Variants in P2RY13 observed in about 807,000 individuals in gnomAD.
P2RY13 encodes purinergic receptor P2Y13.
For missense variants in P2RY13, 412 were observed against 418.4 expected (o/e 0.98, Z 0.13); for synonymous variants, 150 against 155.1 (o/e 0.97, Z 0.24).
chr3:151,329,458 T>C lies in P2RY13; in HGVS notation c.48+23A>G, dbSNP rs1750102219. On this transcript the variant is annotated intron_variant, in intron 1 of 1. Transcript: ENST00000325602. ...TCTTTTATATAAGCAAGCACACTCA[T>C]AATAACAAAAATTGAAATTCACCTT... The C allele has an allele frequency of 2.7e-6, 4 of 1,493,670 alleles. No individual in the cohort carries two copies. In the South Asian group the frequency reaches 3.7e-5, roughly 14 times the overall value. 92.5% of individuals were successfully genotyped at this position (1,493,670 alleles called of 1,614,324 possible). A position where few individuals can be genotyped will look rare whatever the true frequency, so the allele number is the denominator to read the frequency against.
rs1577345897 is a variant in P2RY13 at position 151,329,488 on chromosome 3, A to G, written c.41T>C (p.Leu14Pro). The stretch of plus-strand genomic sequence containing the variant: ...ACAAAAATTGAAATTCACCTTTGGG[A>G]GGATACTCAGTTCTCTCTGTCTTCT... ...AIRRQRELSI[L>P]PKVTLEAMNT... The change falls in exon 1 of 2, where the codon CTC (leucine) becomes CCC (proline). Residue 14 changes from leucine to proline, a missense_variant. Physicochemically the swap from Leu to Pro is moderately conservative, Grantham distance 98. Coordinates refer to ENST00000325602, the MANE Select transcript of P2RY13 (RefSeq NM_176894.3). 6.5e-7 allele frequency: 1 copy of G among 1,544,656 alleles called. No homozygotes were observed. Among genetic ancestry groups the G allele is most frequent in the South Asian group, 1.2e-5 (1 of 83,706 alleles).
At chr3:151,329,210 T>C (rs1168943605) in intron 1 of P2RY13, among the ~76,000 whole-genome samples, 1 of 152,192 alleles carries the variant, frequency 6.6e-6, no homozygotes, top group African/African-American at 2.4e-5. Context: ...TTTGGTACTT[T>C]TAACAGTACC....
rs1749630122 is a variant in P2RY13 at position 151,326,624 on chromosome 3, T to TG, written c.*1366dup. 6.6e-6 allele frequency: 1 copy of TG among 152,190 alleles called. No homozygotes were observed. Among genetic ancestry groups the TG allele is most frequent in the African/African-American group, 2.4e-5 (1 of 41,440 alleles). The allele number at this position is 152,190 out of a possible 1,614,324, so 9.4% of individuals were successfully genotyped here. A position where few individuals can be genotyped will look rare whatever the true frequency, so the allele number is the denominator to read the frequency against. ...TGCCAAAACAGAGTATGGCATTTTC[T>TG]GAAAGTTAGAAATTTATACAAGAGT... On this transcript the variant is annotated 3_prime_UTR_variant, in exon 2 of 2. Coordinates refer to ENST00000325602, the MANE Select transcript of P2RY13 (RefSeq NM_176894.3).
rs757762416 is a variant in P2RY13, at chr3:151,328,522, A to G, written c.534T>C (p.Asn178=). The change falls in exon 2 of 2, where the codon AAT becomes AAC. Residue 178 remains asparagine (N), a synonymous_variant. Transcript: ENST00000325602. ...WFFLFFISLP[N]TILSNKEATP... is the part of the protein sequence containing the mutation. ...TTGCTTCCTTGTTGCTCAAGATCGT[A>G]TTTGGCAGGGAGATGAAGAACAAAA... 2 of 1,613,958 alleles carry G rather than the reference A, an allele frequency of 1.2e-6. No individual in the cohort carries two copies. The highest frequency in any genetic ancestry group is 2.2e-5 in the East Asian group (1 of 44,874).
In P2RY13 at chr3:151,326,450, G is replaced by C. The variant is rs900926960; in HGVS notation, c.*1541C>G. The C allele has an allele frequency of 6.6e-6, 1 of 152,614 alleles. No individual in the cohort carries two copies. Among genetic ancestry groups the C allele is most frequent in the Admixed American group, 6.5e-5 (1 of 15,268 alleles). The allele number at this position is 152,614 out of a possible 1,614,324, so 9.5% of individuals were successfully genotyped here. Reference sequence around the variant, plus strand: ...GTGATAAGTTTAATAATATAGGTGTGACAGCATACAGAGGAGGGGGTGATT... The same window carrying C: ...GTGATAAGTTTAATAATATAGGTGTCACAGCATACAGAGGAGGGGGTGATT... On this transcript the variant is annotated 3_prime_UTR_variant, in exon 2 of 2. Transcript: ENST00000325602.
Position 151,327,330 on chromosome 3 carries a change from T to C in P2RY13, c.*661A>G, listed in dbSNP as rs554037398. 3 of 152,312 alleles carry C rather than the reference T, an allele frequency of 2.0e-5. No individual in the cohort carries two copies. The East Asian group carries it at 5.8e-4, about 29-fold the overall frequency. 9.4% of individuals were successfully genotyped at this position (152,312 alleles called of 1,614,324 possible). A position where few individuals can be genotyped will look rare whatever the true frequency, so the allele number is the denominator to read the frequency against. On this transcript the variant is annotated 3_prime_UTR_variant, in exon 2 of 2. Coordinates refer to ENST00000325602, the MANE Select transcript of P2RY13 (RefSeq NM_176894.3). ...TTCCAAAGAATAGTTAACACAGCATTCTCACACTTGAATTGTACACACTTA... is the reference window on the plus strand; with the variant it reads ...TTCCAAAGAATAGTTAACACAGCATCCTCACACTTGAATTGTACACACTTA...
chr3:151,328,272 C>T lies in P2RY13; in HGVS notation c.784G>A (p.Ala262Thr), dbSNP rs1170956423. 6 of 1,613,922 alleles carry T rather than the reference C, an allele frequency of 3.7e-6. No homozygotes were observed. Among genetic ancestry groups the T allele is most frequent in the Non-Finnish European group, 4.2e-6 (5 of 1,179,924 alleles). The change falls in exon 2 of 2, where the codon GCT (alanine) becomes ACT (threonine). Residue 262 changes from alanine (A) to threonine (T), a missense_variant. Coordinates refer to ENST00000325602, the MANE Select transcript of P2RY13 (RefSeq NM_176894.3). ...KLEGKVFVVV[A>T]VFFVCFAPFH... ...GGAGCAAAACACACAAAGAAGACAG[C>T]CACGACAACAAATACTTTGCCTTCC...
rs759831858 is a variant in P2RY13 at position 151,328,848 on chromosome 3, C to T, written c.208G>A (p.Val70Ile). 2.5e-6 allele frequency: 4 copies of T among 1,613,834 alleles called. No individual in the cohort carries two copies. Among genetic ancestry groups the T allele is most frequent in the African/African-American group, 2.7e-5 (2 of 74,886 alleles). The change falls in exon 2 of 2, where the codon GTT (valine) becomes ATT (isoleucine). Residue 70 changes from valine (V) to isoleucine (I), a missense_variant. Physicochemically the swap from Val to Ile is conservative, Grantham distance 29. Transcript: ENST00000325602. ...LLNTLALWVFVHIPSSSTFII... is the reference protein window; with the variant it reads ...LLNTLALWVFIHIPSSSTFII... The stretch of plus-strand genomic sequence containing the variant: ...AAGGTGGAGGAGCTGGGGATGTGAA[C>T]AAACACCCACAGAGCCAAAGTATTC...
chr3:151,329,186 G>A (rs937256742), intron 1 of P2RY13, among the ~76,000 whole-genome samples, 179 bp from the exon 2 acceptor site: 1 of 152,138 alleles, frequency 6.6e-6, no homozygotes, highest in African/African-American at 2.4e-5. Context: ...AATTTTTAAA[G>A]CATATAATAC....
Position 151,327,732 on chromosome 3 carries a change from A to AT in P2RY13, c.*258dup. 1 of 259,168 alleles carries AT rather than the reference A, an allele frequency of 3.9e-6. No homozygotes were observed. Among genetic ancestry groups the AT allele is most frequent in the Non-Finnish European group, 6.8e-6 (1 of 147,370 alleles). The allele number at this position is 259,168 out of a possible 1,614,324, so 16.1% of individuals were successfully genotyped here. ...AATGTTAAAGTGAAATGCTCTTGAA[A>AT]TTAAAAAAAAAAAAAAAGAAAGAAA... On this transcript the variant is annotated 3_prime_UTR_variant, in exon 2 of 2. Coordinates refer to ENST00000325602, the MANE Select transcript of P2RY13 (RefSeq NM_176894.3).
Position 151,327,885 on chromosome 3 carries a change from A to G in P2RY13, c.*106T>C, listed in dbSNP as rs747162326. ...CTTTTCTGTACACGAGGATAATAAA[A>G]TGTAAGAGAGCATTTGTTCCAATCT... On this transcript the variant is annotated 3_prime_UTR_variant, in exon 2 of 2. Transcript: ENST00000325602. The G allele has an allele frequency of 3.7e-6, 3 of 808,670 alleles. No homozygotes were observed. The highest frequency in any genetic ancestry group is 2.7e-5 in the Admixed American group (1 of 36,704). 50.1% of individuals were successfully genotyped at this position (808,670 alleles called of 1,614,324 possible).
chr3:151,329,119 A>G (rs1750052639), intron 1 of P2RY13, 112 bp from the exon 2 acceptor site: 1 of 734,438 alleles, frequency 1.4e-6, no homozygotes. Context: ...AACATCCTGC[A>G]TTTATCCAAC....
In P2RY13 at chr3:151,328,101, A is replaced by G. The variant is rs369934525; in HGVS notation, c.955T>C (p.Phe319Leu). The change falls in exon 2 of 2, where the codon TTC becomes CTC. Residue 319 changes from phenylalanine to leucine, a missense_variant. By Grantham distance (22) the Phe-to-Leu change is conservative. Coordinates refer to ENST00000325602, the MANE Select transcript of P2RY13 (RefSeq NM_176894.3). ...NICMDPLIYI[F>L]LCKKFTEKLP... ...TTTTCTGTGAATTTTTTACATAAGA[A>G]TATGTATATTAAGGGATCCATACAA... The G allele has an allele frequency of 1.1e-5, 17 of 1,610,252 alleles. No individual in the cohort carries two copies. In the African/African-American group the frequency reaches 1.9e-4, roughly 18 times the overall value.
chr3:151,328,390 G>A lies in P2RY13; in HGVS notation c.666C>T (p.Ile222=). 6.2e-7 allele frequency: 1 copy of A among 1,613,492 alleles called. No individual in the cohort carries two copies. The highest frequency in any genetic ancestry group is 8.5e-7 in the Non-Finnish European group (1 of 1,179,674). The part of the protein sequence containing the change: ...ICQFIFWTVF[I]LMLVFYVVIA... ...TAACCACATAAAACACAAGCATTAG[G>A]ATAAAAACAGTCCAGAAAATAAACT... The change falls in exon 2 of 2, where the codon ATC becomes ATT. Residue 222 remains isoleucine, a synonymous_variant. Transcript: ENST00000325602.
chr3:151,328,452 C>A lies in P2RY13; in HGVS notation c.604G>T (p.Gly202Trp). ...KKCASLKGPLGLKWHQMVNNI... is the reference protein window; with the variant it reads ...KKCASLKGPLWLKWHQMVNNI... ...TTTACCATTTGATGCCATTTCAGCC[C>A]CAGAGGCCCCTTTAAGGAAGCACAC... The change falls in exon 2 of 2, where the codon GGG (glycine) becomes TGG (tryptophan). Residue 202 changes from glycine to tryptophan, a missense_variant. Physicochemically the swap from Gly to Trp is radical, Grantham distance 184. Transcript: ENST00000325602. 6.2e-7 allele frequency: 1 copy of A among 1,613,760 alleles called. No homozygotes were observed. The highest frequency in any genetic ancestry group is 8.5e-7 in the Non-Finnish European group (1 of 1,179,746).
Position 151,326,322 on chromosome 3 carries a change from C to G in P2RY13, c.*1669G>C, listed in dbSNP as rs1355923938. 6.6e-6 allele frequency: 1 copy of G among 152,558 alleles called. No individual in the cohort carries two copies. Among genetic ancestry groups the G allele is most frequent in the Non-Finnish European group, 1.5e-5 (1 of 68,016 alleles). The allele number at this position is 152,558 out of a possible 1,614,324, so 9.5% of individuals were successfully genotyped here. A position where few individuals can be genotyped will look rare whatever the true frequency, so the allele number is the denominator to read the frequency against. On this transcript the variant is annotated 3_prime_UTR_variant, in exon 2 of 2. Transcript: ENST00000325602. ...ATAAACCAAATGGGCTTTATTTTAT[C>G]AAACATTTATTGATTGCACAATGAA...
In P2RY13 at chr3:151,327,626, T is replaced by C. The variant is rs1166309434; in HGVS notation, c.*365A>G. 1 of 160,990 alleles carries C rather than the reference T, an allele frequency of 6.2e-6. No homozygotes were observed. The highest frequency in any genetic ancestry group is 1.3e-5 in the Non-Finnish European group (1 of 74,404). The allele number at this position is 160,990 out of a possible 1,614,324, so 10.0% of individuals were successfully genotyped here. On this transcript the variant is annotated 3_prime_UTR_variant, in exon 2 of 2. Coordinates refer to ENST00000325602, the MANE Select transcript of P2RY13 (RefSeq NM_176894.3). The stretch of plus-strand genomic sequence containing the variant: ...AAGGGGCACAAAAGCAGTAGTGTTA[T>C]GTGAATTGTGGAAAAGAATGTGAGA...
In P2RY13 at chr3:151,329,206, A is replaced by G. The variant is rs6794283; in HGVS notation, c.49-199T>C. On this transcript the variant is annotated intron_variant, in intron 1 of 1. Coordinates refer to ENST00000325602, the MANE Select transcript of P2RY13 (RefSeq NM_176894.3). ...TTAAAGCATATAATACATTTTTGGT[A>G]CTTTTAACAGTACCATTACTTTCAC... is the stretch of plus-strand genomic sequence containing the variant. 7.3e-3 allele frequency among the ~76,000 whole-genome samples: 1,117 copies of G among 152,308 alleles called. 16 individuals carry two copies. Among genetic ancestry groups the G allele is most frequent in the African/African-American group, 0.026 (1,069 of 41,568 alleles).
rs567633607 is a variant in P2RY13, at chr3:151,326,535, A to C, written c.*1456T>G. 2.0e-5 allele frequency: 3 copies of C among 152,456 alleles called. No homozygotes were observed. Among genetic ancestry groups the C allele is most frequent in the Non-Finnish European group, 2.9e-5 (2 of 68,042 alleles). 9.4% of individuals were successfully genotyped at this position (152,456 alleles called of 1,614,324 possible). Reference sequence around the variant, plus strand: ...ATATTTCATGGACCAAGTGATGACAACATAGGGTTTCACAGATGGATAAGA... The same window carrying C: ...ATATTTCATGGACCAAGTGATGACACCATAGGGTTTCACAGATGGATAAGA... On this transcript the variant is annotated 3_prime_UTR_variant, in exon 2 of 2. Transcript: ENST00000325602.
Sources: gnomAD v4.1 joint callset for allele counts (sites outside exome capture counted in the v4.1 genomes callset) on GRCh38, gnomAD v4.1.1 for gene constraint, MANE v1.5 for transcripts, NCBI Gene and HGNC (gene_info 2026-07-23, HGNC 2026-07-21) for gene names.